The following TSPEAR variants were observed in gnomAD, a reference collection of about 807,000 sequenced individuals.
TSPEAR encodes the protein thrombospondin-type laminin G domain and EAR repeat-containing protein.
TSPEAR carries 69 observed loss-of-function variants against 71.6 expected under a neutral mutation model. The ratio of observed to expected loss-of-function variants is 0.96; its 90% CI spans 0.79 to 1.18. TSPEAR has a LOEUF of 1.18. Among genes scored for constraint, TSPEAR ranks in the 50% most tolerant of loss-of-function variants. The pLI is 0.00. For missense variants in TSPEAR, 971 were observed against 894.9 expected (o/e 1.09, Z -1.09); for synonymous variants, 402 against 387.2 (o/e 1.04, Z -0.45).
chr21:44,607,910 G>A (rs1433671575), intron 1 of TSPEAR, among the ~76,000 whole-genome samples: 4 of 152,210 alleles, frequency 2.6e-5, no homozygotes, highest in African/African-American at 9.6e-5. Flanking sequence ...GCTCACAAAT[G>A]TTTAAAGATG....
Position 44,687,848 on chromosome 21 carries a change from G to C in TSPEAR, c.82+23585C>G, listed in dbSNP as rs1047952519. Among the ~76,000 whole-genome samples, 18 of 152,178 alleles carry C rather than the reference G, an allele frequency of 1.2e-4. No individual in the cohort carries two copies. The highest frequency in any genetic ancestry group is 4.3e-4 in the African/African-American group (18 of 41,432). On this transcript the variant is annotated intron_variant, in intron 1 of 11. Transcript: ENST00000323084. The surrounding 1 kb of genome is among the most constrained non-coding windows in gnomAD (Gnocchi z 4.4). ...CACATGCAAAACAAATGCTGAACTC[G>C]AGTTAATGGCAGGTTGCTGCAGTGT...
chr21:44,597,462 C>T lies in TSPEAR; in HGVS notation c.83-29457G>A, dbSNP rs1476225752. Among the ~76,000 whole-genome samples, 5 of 142,112 alleles carry T rather than the reference C, an allele frequency of 3.5e-5. No individual in the cohort carries two copies. In the South Asian group the frequency reaches 8.7e-4, roughly 25 times the overall value. The allele number at this position is 142,112 out of a possible 152,430, so 93.2% of individuals were successfully genotyped here. ...CTTTTTTTTTTTTTTGATGGAGTCTCACTCTTGTCGCCCAGGCTGGAGGGC... is the reference window on the plus strand; with the variant it reads ...CTTTTTTTTTTTTTTGATGGAGTCTTACTCTTGTCGCCCAGGCTGGAGGGC... On this transcript the variant is annotated intron_variant, in intron 1 of 11. Transcript: ENST00000323084.
chr21:44,603,492 C>A (rs587675924), intron 1 of TSPEAR, among the ~76,000 whole-genome samples: 1 of 152,302 alleles, frequency 6.6e-6, no homozygotes, highest in South Asian at 2.1e-4. Context: ...CTCGGCTCCT[C>A]CCCTAGGCAT....
intron 1 of TSPEAR, among the ~76,000 whole-genome samples, chr21:44,596,398 A>G (rs1302978996): frequency 6.6e-6 from 1 of 152,254 alleles, no homozygotes; most frequent in Non-Finnish European, 1.5e-5. Context: ...TGGGGCACAC[A>G]GCCAGTGACC....
intron 1 of TSPEAR, chr21:44,677,628 T>C: frequency 1.7e-6 from 2 of 1,163,134 alleles, no homozygotes; most frequent in Non-Finnish European, 2.6e-6. Flanking sequence ...TAAAGATTCC[T>C]CATGCTGAAC....
At chr21:44,550,607 G>A in intron 2 of TSPEAR, 11 of 1,563,294 alleles carry the variant, frequency 7.0e-6, no homozygotes, top group Non-Finnish European at 9.6e-6. Context: ...GTGCTGAGCT[G>A]TGCTGAGGCT....
intron 10 of TSPEAR, chr21:44,508,964 G>T (rs1444102373): frequency 2.0e-6 from 3 of 1,536,668 alleles, no homozygotes; most frequent in Non-Finnish European, 2.6e-6. Context: ...TCCGCACACA[G>T]CACCCGGCTC....
chr21:44,671,213 C>T (rs1476354597), intron 1 of TSPEAR, among the ~76,000 whole-genome samples: 1 of 152,236 alleles, frequency 6.6e-6, no homozygotes, highest in Non-Finnish European at 1.5e-5. Flanking sequence ...GCTTGCCCAG[C>T]CTGTCACAAC....
rs1180971836 is a variant in TSPEAR at position 44,621,771 on chromosome 21, A to G, written c.83-53766T>C. On this transcript the variant is annotated intron_variant, in intron 1 of 11. Coordinates refer to ENST00000323084, the MANE Select transcript of TSPEAR (RefSeq NM_144991.3). ...AGTTGGCTCTGTAGGAAAGCTTTTGATGTTAGATTCAAGTTATTTAATCAA... is the reference window on the plus strand; with the variant it reads ...AGTTGGCTCTGTAGGAAAGCTTTTGGTGTTAGATTCAAGTTATTTAATCAA... Among the ~76,000 whole-genome samples, 6 of 152,216 alleles carry G rather than the reference A, an allele frequency of 3.9e-5. 1 individual carries two copies. The highest frequency in any genetic ancestry group is 3.8e-4 in the East Asian group (2 of 5,204).
At chr21:44,505,740 A>G (rs2052183027) in intron 10 of TSPEAR, among the ~76,000 whole-genome samples, 1 of 151,030 alleles carries the variant, frequency 6.6e-6, no homozygotes, top group East Asian at 2.0e-4. Context: ...GTGTGTCAGA[A>G]TCGCCTTCCT....
intron 2 of TSPEAR, among the ~76,000 whole-genome samples, chr21:44,559,195 G>A (rs1164156181): frequency 1.3e-5 from 2 of 152,212 alleles, no homozygotes; most frequent in Non-Finnish European, 2.9e-5. Flanking sequence ...GAAAGGGAGA[G>A]ATGTGTTCTG....
intron 1 of TSPEAR, among the ~76,000 whole-genome samples, chr21:44,689,739 A>ATATATATATATTTTTTTTTTTTT (rs1555949531): frequency 2.3e-5 from 3 of 128,170 alleles, no homozygotes; most frequent in African/African-American, 9.5e-5. Context: ...ATATATATAT[A>ATATATATATATTTTTTTTTTTTT]TTTTGGGGGG....
chr21:44,555,353 C>T (rs587699585), intron 2 of TSPEAR, among the ~76,000 whole-genome samples: 29 of 152,306 alleles, frequency 1.9e-4, no homozygotes, highest in Admixed American at 7.2e-4. Context: ...GGGGCCCACA[C>T]AGAGCCTCCT....
At chr21:44,582,998 CTTTCT>C (rs1462222771) in intron 1 of TSPEAR, among the ~76,000 whole-genome samples, 8 of 15,392 alleles carry the variant, frequency 5.2e-4, no homozygotes, top group African/African-American at 1.1e-3. Context: ...ATTTTTCTTT[CTTTCT>C]TTTTTTTTTT....
At chr21:44,560,106 C>T (rs1484270969) in intron 2 of TSPEAR, among the ~76,000 whole-genome samples, 2 of 152,140 alleles carry the variant, frequency 1.3e-5, no homozygotes, top group Admixed American at 6.5e-5. Flanking sequence ...CTTGCAAAGA[C>T]ACACATAGGC....
At chr21:44,608,379 T>G (rs1258158913) in intron 1 of TSPEAR, among the ~76,000 whole-genome samples, 1 of 152,246 alleles carries the variant, frequency 6.6e-6, no homozygotes, top group Non-Finnish European at 1.5e-5. Flanking sequence ...ATTGTCTTGG[T>G]AGCTTGGATT....
At chr21:44,602,031 G>C (rs371248) in intron 1 of TSPEAR, 60,142 of 527,344 alleles carry the variant, frequency 0.11, 6,683 homozygotes, top group African/African-American at 0.41. Flanking sequence ...AGGGTAGACA[G>C]GTACCAACTG....
chr21:44,530,215 C>T (rs1479369999), intron 4 of TSPEAR, among the ~76,000 whole-genome samples: 1 of 152,230 alleles, frequency 6.6e-6, no homozygotes, highest in African/African-American at 2.4e-5. Flanking sequence ...ACTGGCTACT[C>T]TGCTCATCCA....
At chr21:44,564,263 A>G (rs2053675522) in intron 2 of TSPEAR, among the ~76,000 whole-genome samples, 1 of 152,194 alleles carries the variant, frequency 6.6e-6, no homozygotes. Flanking sequence ...AAAATTCATA[A>G]AAAATGAGGT....
Sources: gnomAD v4.1 joint callset for allele counts (sites outside exome capture counted in the v4.1 genomes callset) on GRCh38, gnomAD v4.1.1 for gene constraint, Gnocchi (gnomAD v3.1) non-coding constraint, MANE v1.5 for transcripts, NCBI Gene and HGNC (gene_info 2026-07-23, HGNC 2026-07-21) for gene names.